UBE2G1: variants seen among roughly 807,000 people sequenced by gnomAD.
The protein encoded by UBE2G1 is ubiquitin-conjugating enzyme E2 G1.
UBE2G1 carries 5 observed loss-of-function variants against 22.7 expected under a neutral mutation model. The ratio of observed to expected loss-of-function variants is 0.22; its 90% CI spans 0.12 to 0.46. The LOEUF (loss-of-function observed/expected upper bound fraction) is 0.46, where lower values mean the gene tolerates loss of function less well. Ranked by LOEUF, UBE2G1 falls within the 20% of genes least tolerant of loss-of-function variation. UBE2G1 has a pLI of 0.99. For synonymous variants in UBE2G1, 74 were observed against 67.5 expected (o/e 1.10, Z -0.47); for missense variants, 88 against 203.9 (o/e 0.43, Z 3.46).
intron 1 of UBE2G1, among the ~76,000 whole-genome samples, chr17:4,361,100 G>A (rs1171200756): frequency 6.6e-6 from 1 of 151,894 alleles, no homozygotes; most frequent in Non-Finnish European, 1.5e-5. Flanking sequence ...GTGGACACCT[G>A]TAATCTCAGC....
chr17:4,337,773 A>C (rs1449029728), intron 1 of UBE2G1, among the ~76,000 whole-genome samples: 1 of 152,212 alleles, frequency 6.6e-6, no homozygotes, highest in African/African-American at 2.4e-5. Context: ...GCAAGAATTA[A>C]ATGAGCATTC....
chr17:4,302,535 T>C (rs2143723156), intron 2 of UBE2G1: 1 of 422,876 alleles, frequency 2.4e-6, no homozygotes, highest in South Asian at 1.9e-5. Context: ...GGATGGATGA[T>C]ACTGGACACT....
chr17:4,317,411 C>A (rs1294131643), intron 1 of UBE2G1, among the ~76,000 whole-genome samples: 1 of 151,940 alleles, frequency 6.6e-6, no homozygotes, highest in Admixed American at 6.6e-5. Flanking sequence ...CCCAGTTACT[C>A]GGAAGGCTGA....
At chr17:4,294,294 T>C (rs78344003) in intron 3 of UBE2G1, among the ~76,000 whole-genome samples, 311 of 151,954 alleles carry the variant, frequency 2.0e-3, no homozygotes, top group Middle Eastern at 0.017. Flanking sequence ...TGGACACCTG[T>C]AATCCCAGCT....
chr17:4,284,299 C>G (rs1047963433), intron 4 of UBE2G1, among the ~76,000 whole-genome samples: 1 of 151,434 alleles, frequency 6.6e-6, no homozygotes, highest in Non-Finnish European at 1.5e-5. Flanking sequence ...CTGAAGAATA[C>G]TATAATTAGA....
intron 1 of UBE2G1, among the ~76,000 whole-genome samples, chr17:4,334,712 G>C (rs893583790): frequency 2.0e-5 from 3 of 152,012 alleles, no homozygotes; most frequent in Non-Finnish European, 2.9e-5. Context: ...GCTAATTTTT[G>C]TATTTTTAGT....
chr17:4,299,424 TA>T (rs1969148446), intron 2 of UBE2G1, among the ~76,000 whole-genome samples: 1 of 152,086 alleles, frequency 6.6e-6, no homozygotes, highest in African/African-American at 2.4e-5. Flanking sequence ...AGAGTCAATG[TA>T]AAAGGACATC....
chr17:4,353,794 G>A (rs1387630775), intron 1 of UBE2G1, among the ~76,000 whole-genome samples: 2 of 149,566 alleles, frequency 1.3e-5, no homozygotes, highest in African/African-American at 5.0e-5. Context: ...ACAGGCGTGA[G>A]CCACCGTGCC....
intron 1 of UBE2G1, among the ~76,000 whole-genome samples, chr17:4,310,599 T>C (rs2143738846): frequency 6.6e-6 from 1 of 152,292 alleles, no homozygotes; most frequent in Admixed American, 6.5e-5. Flanking sequence ...AGGGCCTTTG[T>C]AAGCCCTGCA....
chr17:4,358,343 G>A (rs2143829600), intron 1 of UBE2G1, among the ~76,000 whole-genome samples: 1 of 152,138 alleles, frequency 6.6e-6, no homozygotes, highest in South Asian at 2.1e-4. Flanking sequence ...ACAGCTCACT[G>A]CCGCCTCAAA....
intron 1 of UBE2G1, among the ~76,000 whole-genome samples, chr17:4,340,295 A>C (rs1359389237): frequency 6.6e-6 from 1 of 152,196 alleles, no homozygotes; most frequent in African/African-American, 2.4e-5. Context: ...TGAGGTTCTG[A>C]TGTTCTTAGA....
chr17:4,282,685 T>TA lies in UBE2G1; in HGVS notation c.*37+112dup, dbSNP rs1325061589. ...GAACGAGACTACAGGATAATACCAT[T>TA]AAAAAATGAAGTCAATGAAAAAATG... On this transcript the variant is annotated intron_variant, in intron 5 of 5. Coordinates refer to ENST00000396981, the MANE Select transcript of UBE2G1 (RefSeq NM_003342.5). 5 of 694,638 alleles carry TA rather than the reference T, an allele frequency of 7.2e-6. No individual in the cohort carries two copies. In the Admixed American group the frequency reaches 1.2e-4, roughly 16 times the overall value. 43.0% of individuals were successfully genotyped at this position (694,638 alleles called of 1,614,324 possible).
intron 1 of UBE2G1, among the ~76,000 whole-genome samples, chr17:4,344,266 C>A (rs976863432): frequency 6.6e-6 from 1 of 152,148 alleles, no homozygotes; most frequent in Admixed American, 6.5e-5. Flanking sequence ...CCCGGCCGGG[C>A]GCGGTGGCTC....
chr17:4,326,990 C>T (rs186899655), intron 1 of UBE2G1, among the ~76,000 whole-genome samples: 188 of 152,288 alleles, frequency 1.2e-3, no homozygotes, highest in South Asian at 5.4e-3. Flanking sequence ...GGCAAAACCA[C>T]GTCTCTACTA....
rs370720662 is a variant in UBE2G1, at chr17:4,366,349, G to T, written c.-33C>A. ...GCCGAGGGCCCGGGCTGGCGCCGGGGCTTCCGAAGGGCTGGGGACAGGCTC... is the reference window on the plus strand; with the variant it reads ...GCCGAGGGCCCGGGCTGGCGCCGGGTCTTCCGAAGGGCTGGGGACAGGCTC... On this transcript the variant is annotated 5_prime_UTR_variant, in exon 1 of 6. Transcript: ENST00000396981. 1 of 1,521,254 alleles carries T rather than the reference G, an allele frequency of 6.6e-7. No individual in the cohort carries two copies. The highest frequency in any genetic ancestry group is 8.7e-7 in the Non-Finnish European group (1 of 1,143,918). 94.2% of individuals were successfully genotyped at this position (1,521,254 alleles called of 1,614,324 possible).
intron 2 of UBE2G1, among the ~76,000 whole-genome samples, chr17:4,306,778 A>G (rs968799185): frequency 6.6e-6 from 1 of 151,962 alleles, no homozygotes; most frequent in East Asian, 1.9e-4. Flanking sequence ...CAGCCTCCTG[A>G]GTAGCTGGGA....
intron 1 of UBE2G1, among the ~76,000 whole-genome samples, chr17:4,359,809 G>A (rs1041639735): frequency 1.8e-4 from 26 of 142,556 alleles, no homozygotes; most frequent in East Asian, 2.0e-4. Flanking sequence ...CCAAGATCTC[G>A]CCACTATACT....
intron 2 of UBE2G1, chr17:4,302,282 G>A (rs922382797): frequency 2.1e-5 from 10 of 471,746 alleles, no homozygotes; most frequent in East Asian, 1.7e-4. Flanking sequence ...TGGATGACAC[G>A]GGGAAGAACA....
intron 5 of UBE2G1, among the ~76,000 whole-genome samples, chr17:4,279,014 C>T (rs562861225): frequency 6.6e-6 from 1 of 152,286 alleles, no homozygotes; most frequent in East Asian, 1.9e-4. Flanking sequence ...GTGGCTCATG[C>T]CTGTCATCCC....
Sources: gnomAD v4.1 joint callset for allele counts (sites outside exome capture counted in the v4.1 genomes callset) on GRCh38, gnomAD v4.1.1 for gene constraint, MANE v1.5 for transcripts, NCBI Gene and HGNC (gene_info 2026-07-23, HGNC 2026-07-21) for gene names.